Variants in GUCY2C observed in about 807,000 individuals in gnomAD.
The protein encoded by GUCY2C is guanylyl cyclase C.
In GUCY2C, 118 loss-of-function variants were observed where a neutral mutation model predicts 131.1. The ratio of observed to expected loss-of-function variants is 0.90; its 90% CI spans 0.78 to 1.05. GUCY2C has a LOEUF of 1.05. Ranked by LOEUF, GUCY2C falls within the 50% of genes least tolerant of loss-of-function variation. The probability of loss-of-function intolerance (pLI) is 0.00; values close to 1 mark genes in which losing one functional copy is unlikely to be tolerated. For missense variants in GUCY2C, 1,161 were observed against 1,304.4 expected (o/e 0.89, Z 1.69); for synonymous variants, 452 against 457.8 (o/e 0.99, Z 0.16).
At chr12:14,686,939 C>G (rs1948483301) in intron 2 of GUCY2C, among the ~76,000 whole-genome samples, 1 of 152,140 alleles carries the variant, frequency 6.6e-6, no homozygotes, top group African/African-American at 2.4e-5. Flanking sequence ...AGAGCCGTGG[C>G]TCTACTCCCA....
At position 14,686,198 on chromosome 12, in the gene GUCY2C, T is replaced by G. The variant is rs772622967; in HGVS notation, c.358A>C (p.Ile120Leu). 1 of 1,608,238 alleles carries G rather than the reference T, an allele frequency of 6.2e-7. No homozygotes were observed. The highest frequency in any genetic ancestry group is 1.7e-4 in the Middle Eastern group (1 of 6,052). Residue 120 changes from isoleucine to leucine, a missense_variant, in exon 3 of 27, where the codon ATA becomes CTA. Coordinates refer to ENST00000261170, the MANE Select transcript of GUCY2C (RefSeq NM_004963.4). ...GTGGAGTATGTACATGAGGGCCCTA[T>G]GAGGACACAGCCCATCCGTTGTGCA... ...SNAQRMGCVL[I>L]GPSCTYSTFQ...
chr12:14,657,084 T>G (rs1947778002), intron 11 of GUCY2C, among the ~76,000 whole-genome samples: 2 of 152,246 alleles, frequency 1.3e-5, no homozygotes, highest in Non-Finnish European at 2.9e-5. Context: ...GCTCACCTCC[T>G]GCTGTGCGGT....
intron 19 of GUCY2C, among the ~76,000 whole-genome samples, chr12:14,630,394 C>T (rs934031984): frequency 2.6e-5 from 4 of 152,096 alleles, no homozygotes; most frequent in Non-Finnish European, 5.9e-5. Flanking sequence ...ACTGTCAGCC[C>T]TCTGTCTCCA....
At chr12:14,687,834 C>A in intron 2 of GUCY2C, 117 bp downstream of exon 2, 1 of 655,696 alleles carries the variant, frequency 1.5e-6, no homozygotes, top group Non-Finnish European at 2.8e-6. Context: ...GCCACTCATT[C>A]AGCTATGTGG....
In GUCY2C at chr12:14,613,181, T is replaced by C. The variant is rs1946685917; in HGVS notation, c.3158A>G (p.Tyr1053Cys). ...CAAGTATTCCAGAGTGCCTTTTTTATAGCTGGCTACCCGTCTGGGTTTTTG... is the reference window on the plus strand; with the variant it reads ...CAAGTATTCCAGAGTGCCTTTTTTACAGCTGGCTACCCGTCTGGGTTTTTG... The part of the protein sequence containing the change: ...RSQKPRRVAS[Y>C]KKGTLEYLQL... The change falls in exon 27 of 27, where the codon TAT becomes TGT. Residue 1053 changes from tyrosine (Y) to cysteine (C), a missense_variant. Tyr to Cys is a radical substitution (Grantham distance 194, BLOSUM62 -2). Transcript: ENST00000261170. This position sits in a 1 kb window ranked among gnomAD's most constrained non-coding sequence, Gnocchi z 4.9. 1 of 1,613,628 alleles carries C rather than the reference T, an allele frequency of 6.2e-7. No homozygotes were observed. The highest frequency in any genetic ancestry group is 8.5e-7 in the Non-Finnish European group (1 of 1,179,624).
At chr12:14,683,004 A>T in intron 4 of GUCY2C, 38 bp downstream of exon 4, 1 of 1,414,274 alleles carries the variant, frequency 7.1e-7, no homozygotes, top group South Asian at 1.2e-5. Flanking sequence ...GCTTCTCTCC[A>T]TGGCAAGTGC....
intron 15 of GUCY2C, 151 bp from the exon 16 acceptor site, chr12:14,645,466 G>GT: frequency 7.0e-6 from 4 of 571,096 alleles, no homozygotes; most frequent in East Asian, 3.0e-5. Context: ...ATGAACCTGT[G>GT]TTTTTTCCTT....
Position 14,683,424 on chromosome 12 carries a change from A to G in GUCY2C, c.396-167T>C, listed in dbSNP as rs1420632. 0.99 allele frequency among the ~76,000 whole-genome samples: 150,591 copies of G among 152,360 alleles called. 74,436 individuals are homozygous for G. The highest frequency in any genetic ancestry group is 1 in the Middle Eastern group (294 of 294). ...ATAGGTGTCTTTCTCATACAGCTAA[A>G]TTTAAAAACATTTATTGAGCACATG... On this transcript the variant is annotated intron_variant, in intron 3 of 26. Transcript: ENST00000261170.
chr12:14,641,269 A>G, intron 17 of GUCY2C, 50 bp from the exon 18 acceptor site: 2 of 1,584,340 alleles, frequency 1.3e-6, no homozygotes, highest in Non-Finnish European at 1.7e-6. Context: ...TGAGTGGTTC[A>G]TAGGCCTCCA....
chr12:14,684,137 T>C (rs1189639757), intron 3 of GUCY2C, among the ~76,000 whole-genome samples: 2 of 152,198 alleles, frequency 1.3e-5, no homozygotes, highest in African/African-American at 4.8e-5. Flanking sequence ...TTCCCAAGCT[T>C]AAAACCTTAG....
rs1382028245 is a variant in GUCY2C, at chr12:14,696,164, T to C, written c.217+68A>G. The C allele has an allele frequency of 5.2e-5, 66 of 1,267,422 alleles. 1 individual carries two copies. In the East Asian group the frequency reaches 1.4e-3, roughly 28 times the overall value. The allele number at this position is 1,267,422 out of a possible 1,614,324, so 78.5% of individuals were successfully genotyped here. On this transcript the variant is annotated intron_variant, in intron 1 of 26. Transcript: ENST00000261170. ...GTGTGATCAAAGAACACAAGGTCTT[T>C]GCTTAGCAACATTTTGTCCCCAGAG...
At chr12:14,641,588 G>A (rs771712173) in intron 17 of GUCY2C, among the ~76,000 whole-genome samples, 93 of 152,136 alleles carry the variant, frequency 6.1e-4, no homozygotes, top group Non-Finnish European at 2.4e-4. Context: ...GAATATGAGA[G>A]GCTGAGGAAT....
intron 10 of GUCY2C, among the ~76,000 whole-genome samples, chr12:14,663,208 G>A (rs1947904360): frequency 6.6e-6 from 1 of 152,232 alleles, no homozygotes; most frequent in Non-Finnish European, 1.5e-5. Context: ...GAGATGCACA[G>A]AGGTGGGATC....
Position 14,669,819 on chromosome 12 carries a change from CA to C in GUCY2C, c.1184del (p.Leu395Ter). 6.5e-7 allele frequency: 1 copy of C among 1,545,104 alleles called. No homozygotes were observed. The highest frequency in any genetic ancestry group is 8.9e-7 in the Non-Finnish European group (1 of 1,122,696). On this transcript the variant is annotated frameshift_variant, in exon 10 of 27. Transcript: ENST00000261170. LOFTEE classifies it high-confidence loss of function. ...TCTTATTTACGTGGGTATCATAGGT[CA>C]AAAGAACCTTGTACTGTGTCAGGGC... ...SVDTKKYKVL[L>X]TYDTHVNKTY...
chr12:14,667,523 C>G (rs573154850), intron 10 of GUCY2C, among the ~76,000 whole-genome samples: 1 of 152,268 alleles, frequency 6.6e-6, no homozygotes, highest in African/African-American at 2.4e-5. Context: ...TCATTTTGGA[C>G]TTAATTTGAC....
At chr12:14,644,981 C>G (rs937115698) in intron 16 of GUCY2C, among the ~76,000 whole-genome samples, 1 of 151,878 alleles carries the variant, frequency 6.6e-6, no homozygotes, top group Non-Finnish European at 1.5e-5. Context: ...CACACCCAGA[C>G]TACAAAGAAT....
intron 3 of GUCY2C, among the ~76,000 whole-genome samples, chr12:14,684,245 A>G (rs988326744): frequency 6.6e-6 from 1 of 151,964 alleles, no homozygotes; most frequent in Non-Finnish European, 1.5e-5. Flanking sequence ...TCCTAGTCTT[A>G]TCTCTATTAT....
rs1191022858 is a variant in GUCY2C at position 14,683,053 on chromosome 12, C to T, written c.600G>A (p.Glu200=). The part of the protein sequence containing the change: ...SYVYKNGTET[E]DCFWYLNALE... ...ATGATCCTGCTTACCAGAAACAGTCCTCAGTTTCTGTACCATTCTTGTAAA... is the reference window on the plus strand; with the variant it reads ...ATGATCCTGCTTACCAGAAACAGTCTTCAGTTTCTGTACCATTCTTGTAAA... Residue 200 remains glutamate (E), a synonymous_variant, in exon 4 of 27, where the codon GAG becomes GAA. Coordinates refer to ENST00000261170, the MANE Select transcript of GUCY2C (RefSeq NM_004963.4). 1.2e-6 allele frequency: 2 copies of T among 1,602,808 alleles called. No homozygotes were observed. Among genetic ancestry groups the T allele is most frequent in the South Asian group, 1.1e-5 (1 of 90,830 alleles).
chr12:14,619,371 C>T (rs1282457294), intron 23 of GUCY2C, 62 bp from the exon 24 acceptor site: 1 of 987,974 alleles, frequency 1.0e-6, no homozygotes, highest in African/African-American at 1.6e-5. Context: ...AGAGTGAAGA[C>T]AGGTAAGCCT....
Sources: gnomAD v4.1 joint callset for allele counts (sites outside exome capture counted in the v4.1 genomes callset) on GRCh38, gnomAD v4.1.1 for gene constraint, Gnocchi (gnomAD v3.1) non-coding constraint, MANE v1.5 for transcripts, NCBI Gene and HGNC (gene_info 2026-07-23, HGNC 2026-07-21) for gene names.